EXOC4: variants seen among roughly 807,000 people sequenced by gnomAD.
EXOC4 encodes the protein SEC8-like 1.
EXOC4 carries 71 observed loss-of-function variants against 107.2 expected under a neutral mutation model. That is an observed-to-expected ratio of 0.66 (90% CI 0.55 to 0.81). The LOEUF is 0.81. Among genes scored for constraint, EXOC4 ranks in the 30% least tolerant of loss-of-function variants. EXOC4 has a pLI of 0.00. For missense variants in EXOC4, 1,108 were observed against 1,189.6 expected (o/e 0.93, Z 1.01); for synonymous variants, 456 against 441.2 (o/e 1.03, Z -0.42).
chr7:133,513,676 G>C (rs987632248), intron 9 of EXOC4, among the ~76,000 whole-genome samples: 7 of 152,092 alleles, frequency 4.6e-5, no homozygotes, highest in Non-Finnish European at 4.4e-5. Flanking sequence ...TCTTCTAGTA[G>C]TCTTTGTTTC....
At chr7:133,360,321 A>G (rs535892379) in intron 6 of EXOC4, among the ~76,000 whole-genome samples, 1 of 152,372 alleles carries the variant, frequency 6.6e-6, no homozygotes, top group African/African-American at 2.4e-5. Context: ...CTTGTCAAGA[A>G]TATGGAAGAA....
chr7:134,064,754 T>G lies in EXOC4; in HGVS notation c.*226T>G. 1 of 312,320 alleles carries G rather than the reference T, an allele frequency of 3.2e-6. No individual in the cohort carries two copies. The highest frequency in any genetic ancestry group is 5.8e-6 in the Non-Finnish European group (1 of 171,208). 19.3% of individuals were successfully genotyped at this position (312,320 alleles called of 1,614,324 possible). A position where few individuals can be genotyped will look rare whatever the true frequency, so the allele number is the denominator to read the frequency against. ...ACAACTACTTTAATGCAGTCAAATC[T>G]AACGGGACTAGGGTGGGATAGGGAG... On this transcript the variant is annotated 3_prime_UTR_variant, in exon 18 of 18. Coordinates refer to ENST00000253861, the MANE Select transcript of EXOC4 (RefSeq NM_021807.4).
At chr7:133,627,177 A>G (rs956794305) in intron 9 of EXOC4, among the ~76,000 whole-genome samples, 1 of 152,206 alleles carries the variant, frequency 6.6e-6, no homozygotes, top group Admixed American at 6.5e-5. Context: ...TGTTAATGAA[A>G]TTGTGGACTT....
intron 9 of EXOC4, among the ~76,000 whole-genome samples, chr7:133,542,082 G>A (rs1800391422): frequency 6.6e-6 from 1 of 151,856 alleles, no homozygotes; most frequent in Admixed American, 6.6e-5. Context: ...GTGTGTACAG[G>A]CCAAGACCCT....
chr7:133,540,939 C>T (rs1006330468), intron 9 of EXOC4, among the ~76,000 whole-genome samples: 1 of 152,014 alleles, frequency 6.6e-6, no homozygotes, highest in Non-Finnish European at 1.5e-5. Context: ...CTTGCTATTT[C>T]CCCTTTTTTG....
intron 5 of EXOC4, among the ~76,000 whole-genome samples, chr7:133,327,669 T>G (rs1795280814): frequency 6.6e-6 from 1 of 152,176 alleles, no homozygotes; most frequent in Non-Finnish European, 1.5e-5. Context: ...AGGAATATCT[T>G]TATTTCTGCC....
intron 9 of EXOC4, among the ~76,000 whole-genome samples, chr7:133,487,741 T>G (rs537255125): frequency 8.6e-5 from 13 of 151,970 alleles, no homozygotes; most frequent in African/African-American, 2.9e-4. Context: ...AAAAACGAAA[T>G]TTGTGTAAAA....
At chr7:134,051,078 G>T (rs557703076) in intron 17 of EXOC4, among the ~76,000 whole-genome samples, 1 of 152,326 alleles carries the variant, frequency 6.6e-6, no homozygotes, top group Admixed American at 6.5e-5. Context: ...CTGAGATTTT[G>T]AGGTTTTGCA....
intron 10 of EXOC4, among the ~76,000 whole-genome samples, chr7:133,801,709 A>G (rs1169020140): frequency 6.6e-6 from 1 of 152,256 alleles, no homozygotes; most frequent in Non-Finnish European, 1.5e-5. Context: ...ACTCAGAGGC[A>G]AAAGATGCTC....
intron 11 of EXOC4, among the ~76,000 whole-genome samples, chr7:133,881,982 C>T (rs915916689): frequency 6.6e-6 from 1 of 152,078 alleles, no homozygotes; most frequent in Admixed American, 6.6e-5. Context: ...AACCAGATGC[C>T]TTTCCCAGTC....
chr7:133,985,350 C>T (rs190159074), intron 14 of EXOC4, among the ~76,000 whole-genome samples: 2 of 152,304 alleles, frequency 1.3e-5, no homozygotes, highest in Admixed American at 1.3e-4. Flanking sequence ...GAATCAAACT[C>T]AAGAGGCCAC....
intron 7 of EXOC4, among the ~76,000 whole-genome samples, chr7:133,434,275 A>AT (rs1278679808): frequency 6.6e-6 from 1 of 152,028 alleles, no homozygotes; most frequent in African/African-American, 2.4e-5. Flanking sequence ...ACTTTTATTT[A>AT]TTTTCTCTCT....
At chr7:133,299,752 A>G (rs893207313) in intron 3 of EXOC4, among the ~76,000 whole-genome samples, 1 of 152,144 alleles carries the variant, frequency 6.6e-6, no homozygotes, top group Non-Finnish European at 1.5e-5. Context: ...TCACTTATCA[A>G]TAACTTCATC....
At chr7:133,570,653 G>A (rs1801004505) in intron 9 of EXOC4, among the ~76,000 whole-genome samples, 1 of 152,194 alleles carries the variant, frequency 6.6e-6, no homozygotes, top group African/African-American at 2.4e-5. Flanking sequence ...ATACATAGAA[G>A]TTAAATATCC....
At chr7:133,464,434 G>T (rs1584937468) in intron 7 of EXOC4, among the ~76,000 whole-genome samples, 1 of 152,204 alleles carries the variant, frequency 6.6e-6, no homozygotes, top group Non-Finnish European at 1.5e-5. Flanking sequence ...GCAGGCACAT[G>T]AATTTCTATT....
chr7:133,545,245 C>T (rs1438920820), intron 9 of EXOC4, among the ~76,000 whole-genome samples: 1 of 151,964 alleles, frequency 6.6e-6, no homozygotes, highest in African/African-American at 2.4e-5. Flanking sequence ...ATAACTAAAT[C>T]CTACCTCTGG....
At chr7:133,671,225 G>C (rs1199035600) in intron 10 of EXOC4, among the ~76,000 whole-genome samples, 1 of 151,694 alleles carries the variant, frequency 6.6e-6, no homozygotes, top group Non-Finnish European at 1.5e-5. Flanking sequence ...AGCTATTGGA[G>C]AGTTTTGACT....
chr7:133,851,384 A>T (rs967262559), intron 11 of EXOC4, among the ~76,000 whole-genome samples: 2 of 152,204 alleles, frequency 1.3e-5, no homozygotes, highest in African/African-American at 4.8e-5. Flanking sequence ...GGGCCTTGCT[A>T]TGTTACCCCA....
chr7:133,629,387 A>G (rs1802531728), intron 9 of EXOC4, among the ~76,000 whole-genome samples: 2 of 152,256 alleles, frequency 1.3e-5, no homozygotes, highest in East Asian at 1.9e-4. Context: ...GTGCCATACT[A>G]TCCAAGATGG....
Sources: allele counts gnomAD v4.1 joint callset (sites outside exome capture counted in the v4.1 genomes callset), GRCh38; gene constraint gnomAD v4.1.1; transcripts MANE v1.5; gene names NCBI Gene and HGNC (gene_info 2026-07-23, HGNC 2026-07-21).